The following RASAL1 variants were observed in gnomAD, a reference collection of about 807,000 sequenced individuals.
RASAL1 encodes the protein rasGAP-activating-like protein 1.
RASAL1 carries 72 observed loss-of-function variants against 96.6 expected under a neutral mutation model. That is an observed-to-expected ratio of 0.75 (90% CI 0.62 to 0.91). The LOEUF is 0.91. RASAL1 is among the 40% of genes least tolerant of loss of function. RASAL1 has a pLI of 0.00. For missense variants in RASAL1, 1,016 were observed against 1,072.5 expected, an observed-to-expected ratio of 0.95 and a Z score of 0.74; for synonymous variants, 405 against 430.4, an observed-to-expected ratio of 0.94 and a Z score of 0.73.
Position 113,112,292 on chromosome 12 carries a change from C to A in RASAL1, c.1182-14G>T, listed in dbSNP as rs1950896607. 8.0e-7 allele frequency: 1 copy of A among 1,253,382 alleles called. No individual in the cohort carries two copies. The highest frequency in any genetic ancestry group is 4.0e-5 in the South Asian group (1 of 24,946). The allele number at this position is 1,253,382 out of a possible 1,614,324, so 77.6% of individuals were successfully genotyped here. ...AAGGAGATCCTCCTGGAGGGGCCGG[C>A]GGAGCAGCTCAGCCTCGGGGCACAA... On this transcript the variant is annotated splice_polypyrimidine_tract_variant and intron_variant, in intron 12 of 20. Coordinates refer to ENST00000548055, the MANE Select transcript of RASAL1 (RefSeq NM_001301202.2).
In RASAL1 at chr12:113,115,158, C is replaced by A. The variant is rs369224953; in HGVS notation, c.1068+42G>T. The A allele has an allele frequency of 1.3e-6, 2 of 1,566,096 alleles. No homozygotes were observed. Among genetic ancestry groups the A allele is most frequent in the Non-Finnish European group, 1.8e-6 (2 of 1,137,154 alleles). On this transcript the variant is annotated intron_variant, in intron 11 of 20. Coordinates refer to ENST00000548055, the MANE Select transcript of RASAL1 (RefSeq NM_001301202.2). The surrounding 1 kb of genome is among the most constrained non-coding windows in gnomAD (Gnocchi z 4.1). The stretch of plus-strand genomic sequence containing the variant: ...AGGTAGGCACTGGGAAGGAGGTACC[C>A]GAGGAAGCTGCGCCTGGTCCCGCAG...
chr12:113,130,780 C>T lies in RASAL1; in HGVS notation c.122+105G>A. On this transcript the variant is annotated intron_variant, in intron 2 of 20. Coordinates refer to ENST00000548055, the MANE Select transcript of RASAL1 (RefSeq NM_001301202.2). This position sits in a 1 kb window ranked among gnomAD's most constrained non-coding sequence, Gnocchi z 5.1. Reference sequence around the variant, plus strand: ...ACCCACCTGCAGGCCCGCGAGTCCCCCTCAGGGTAAGCACTCCTTTAAATG... The same window carrying T: ...ACCCACCTGCAGGCCCGCGAGTCCCTCTCAGGGTAAGCACTCCTTTAAATG... 1 of 948,090 alleles carries T rather than the reference C, an allele frequency of 1.1e-6. No homozygotes were observed. Among genetic ancestry groups the T allele is most frequent in the Admixed American group, 2.5e-5 (1 of 40,562 alleles). 58.7% of individuals were successfully genotyped at this position (948,090 alleles called of 1,614,324 possible). A position where few individuals can be genotyped will look rare whatever the true frequency, so the allele number is the denominator to read the frequency against.
chr12:113,113,137 G>T (rs1253389396), intron 12 of RASAL1, among the ~76,000 whole-genome samples: 1 of 152,056 alleles, frequency 6.6e-6, no homozygotes, highest in Admixed American at 6.6e-5. Flanking sequence ...TGCAATTATT[G>T]TGTTCCTTTC....
Position 113,112,103 on chromosome 12 carries a change from G to A in RASAL1, c.1357C>T (p.Pro453Ser), listed in dbSNP as rs934738960. ...TGGCGCACCTGGTGCTCGGCCTGGG[G>A]GAAGCGCTCCTCCACTCGCCGGTGC... The part of the protein sequence containing the change: ...QLHRRVEERF[P>S]QAEHQDVKYL... Residue 453 changes from proline to serine, a missense_variant, in exon 13 of 21, where the codon CCC becomes TCC. By Grantham distance (74) the Pro-to-Ser change is moderately conservative. Coordinates refer to ENST00000548055, the MANE Select transcript of RASAL1 (RefSeq NM_001301202.2). 5 of 1,243,604 alleles carry A rather than the reference G, an allele frequency of 4.0e-6. No homozygotes were observed. The highest frequency in any genetic ancestry group is 5.1e-6 in the Non-Finnish European group (5 of 989,936). 77.0% of individuals were successfully genotyped at this position (1,243,604 alleles called of 1,614,324 possible).
Position 113,112,230 on chromosome 12 carries a change from G to C in RASAL1, c.1230C>G (p.Thr410=). 1 of 1,267,298 alleles carries C rather than the reference G, an allele frequency of 7.9e-7. No individual in the cohort carries two copies. The highest frequency in any genetic ancestry group is 1.0e-6 in the Non-Finnish European group (1 of 998,004). 78.5% of individuals were successfully genotyped at this position (1,267,298 alleles called of 1,614,324 possible). A position where few individuals can be genotyped will look rare whatever the true frequency, so the allele number is the denominator to read the frequency against. ...GALSEEQMRE[T]SLGLLTGYLG... ...GGTAGCCCGTCAGCAGCCCCAGGCT[G>C]GTCTCCCGCATCTGCTCCTCCGAGA... Residue 410 remains threonine, a synonymous_variant, in exon 13 of 21, where the codon ACC becomes ACG. Transcript: ENST00000548055.
chr12:113,107,020 A>G (rs1950669354), intron 15 of RASAL1, 77 bp downstream of exon 15: 1 of 1,440,136 alleles, frequency 6.9e-7, no homozygotes, highest in Non-Finnish European at 9.5e-7. Context: ...GAGGAGCTGG[A>G]GGGGGAAAGG....
intron 14 of RASAL1, 58 bp from the exon 15 acceptor site, chr12:113,107,299 TC>T (rs1363277361): frequency 1.8e-5 from 27 of 1,496,964 alleles, no homozygotes; most frequent in Admixed American, 2.3e-5. Context: ...GTAGGGCCCC[TC>T]CTGGCTCCCA....
intron 12 of RASAL1, among the ~76,000 whole-genome samples, chr12:113,114,215 G>A (rs896402751): frequency 2.6e-5 from 4 of 152,164 alleles, no homozygotes; most frequent in Non-Finnish European, 4.4e-5. Context: ...GTTCACGCCT[G>A]TAATCCCAGC....
At chr12:113,114,705 G>A in intron 12 of RASAL1, 95 bp downstream of exon 12, 2 of 1,009,412 alleles carry the variant, frequency 2.0e-6, no homozygotes, top group South Asian at 1.3e-5. Context: ...GTAGCCCCAG[G>A]GTGGGTGGCA....
intron 7 of RASAL1, among the ~76,000 whole-genome samples, chr12:113,117,750 G>C (rs559634531): frequency 4.6e-5 from 7 of 152,110 alleles, no homozygotes; most frequent in Non-Finnish European, 7.3e-5. Context: ...TGACAACCAC[G>C]AATCTATTTT....
At chr12:113,114,432 C>G (rs1249406449) in intron 12 of RASAL1, among the ~76,000 whole-genome samples, 5 of 148,614 alleles carry the variant, frequency 3.4e-5, no homozygotes, top group African/African-American at 1.2e-4. Flanking sequence ...TGTGGTCACA[C>G]CACTGCACCC....
chr12:113,134,286 T>C (rs1490052718), intron 1 of RASAL1, among the ~76,000 whole-genome samples: 1 of 152,034 alleles, frequency 6.6e-6, no homozygotes, highest in Non-Finnish European at 1.5e-5. Context: ...GCAGCTGCAG[T>C]GTTTTGGGGG....
intron 14 of RASAL1, 73 bp from the exon 15 acceptor site, chr12:113,107,314 C>G: frequency 9.6e-6 from 14 of 1,462,478 alleles, no homozygotes; most frequent in Non-Finnish European, 1.3e-5. Context: ...GCTCCCAAAT[C>G]AGTGCTCAAT....
At position 113,107,089 on chromosome 12, in the gene RASAL1, G is replaced by A. The variant is rs1384368186; in HGVS notation, c.1657+8C>T. On this transcript the variant is annotated splice_region_variant and intron_variant, in intron 15 of 20. Coordinates refer to ENST00000548055, the MANE Select transcript of RASAL1 (RefSeq NM_001301202.2). ...GAAGCCAGATGTGGCCGGACCACAGGAACTCACCTTCATCCCCATCCACAT... is the reference window on the plus strand; with the variant it reads ...GAAGCCAGATGTGGCCGGACCACAGAAACTCACCTTCATCCCCATCCACAT... 1.6e-5 allele frequency: 26 copies of A among 1,608,086 alleles called. No homozygotes were observed. The highest frequency in any genetic ancestry group is 2.2e-5 in the Non-Finnish European group (26 of 1,176,956).
chr12:113,132,456 C>T lies in RASAL1; in HGVS notation c.66-1515G>A, dbSNP rs16942582. Among the ~76,000 whole-genome samples, 968 of 152,220 alleles carry T rather than the reference C, an allele frequency of 6.4e-3. 51 individuals carry two copies. In the East Asian group the frequency reaches 0.15, roughly 23 times the overall value. ...TTTATGGAGTGCTCTCTCTGGAGCA[C>T]GGAGTAACAGTGGAGATAGGACTGG... On this transcript the variant is annotated intron_variant, in intron 1 of 20. Coordinates refer to ENST00000548055, the MANE Select transcript of RASAL1 (RefSeq NM_001301202.2).
At chr12:113,120,459 C>T (rs908629815) in intron 5 of RASAL1, among the ~76,000 whole-genome samples, 6 of 152,034 alleles carry the variant, frequency 3.9e-5, no homozygotes, top group East Asian at 1.9e-4. Flanking sequence ...AATCTGGAGG[C>T]GGTGGGAGAG....
At chr12:113,114,456 A>G (rs868364555) in intron 12 of RASAL1, among the ~76,000 whole-genome samples, 7 of 145,980 alleles carry the variant, frequency 4.8e-5, no homozygotes, top group Non-Finnish European at 1.0e-4. Context: ...CCTGGGTGAC[A>G]GAGTAAAACC....
At chr12:113,102,060 G>A in intron 18 of RASAL1, 51 bp from the exon 19 acceptor site, 3 of 1,581,322 alleles carry the variant, frequency 1.9e-6, no homozygotes, top group Non-Finnish European at 2.6e-6. Context: ...CCTTCCAGAA[G>A]CCTCCACAGC....
rs761648337 is a variant in RASAL1, at chr12:113,103,966, C to A, written c.2084G>T (p.Cys695Phe). ...CTCACCTGAGCGCTCAGCCTGGAGG[C>A]AGCAGGTCCAGCGCGCGCTGCGGAA... is the stretch of plus-strand genomic sequence containing the variant. ...GAFRSARWTC[C>F]LQAERSAAGC... Residue 695 changes from cysteine to phenylalanine, a missense_variant, in exon 18 of 21, where the codon TGC becomes TTC. By Grantham distance (205) the Cys-to-Phe change is radical (BLOSUM62 -2). Coordinates refer to ENST00000548055, the MANE Select transcript of RASAL1 (RefSeq NM_001301202.2). The A allele has an allele frequency of 6.4e-7, 1 of 1,560,484 alleles. No individual in the cohort carries two copies. Among genetic ancestry groups the A allele is most frequent in the South Asian group, 1.2e-5 (1 of 85,200 alleles).
Sources: allele counts gnomAD v4.1 joint callset (sites outside exome capture counted in the v4.1 genomes callset), GRCh38; gene constraint gnomAD v4.1.1; non-coding constraint Gnocchi (gnomAD v3.1); transcripts MANE v1.5; gene names NCBI Gene and HGNC (gene_info 2026-07-23, HGNC 2026-07-21).